Variants in KLHL4 observed in about 807,000 individuals in gnomAD.
KLHL4 encodes the protein kelch like family member 4, also known as kelch-like protein 4.
A neutral mutation model predicts 45.8 loss-of-function variants in KLHL4; 17 were observed. That is an observed-to-expected ratio of 0.37 (90% CI 0.25 to 0.56). The LOEUF (loss-of-function observed/expected upper bound fraction) is 0.56, where lower values mean the gene tolerates loss of function less well. Ranked by LOEUF, KLHL4 falls within the 20% of genes least tolerant of loss-of-function variation. The pLI, the probability that KLHL4 is intolerant of heterozygous loss-of-function variation, is 0.79. For missense variants in KLHL4, 544 were observed against 544.9 expected (o/e 1.00, Z 0.02); for synonymous variants, 224 against 189.9 (o/e 1.18, Z -1.47).
At chrX:87,659,714 T>G (rs1311566020) in intron 9 of KLHL4, among the ~76,000 whole-genome samples, 1 of 112,058 alleles carries the variant, frequency 8.9e-6, no homozygotes, top group Admixed American at 9.5e-5. Flanking sequence ...CTTAATTTGT[T>G]ATTTTAAAAT....
chrX:87,658,189 C>T (rs1274080049), intron 9 of KLHL4, among the ~76,000 whole-genome samples: 1 of 111,821 alleles, frequency 8.9e-6, no homozygotes, highest in East Asian at 2.8e-4. Flanking sequence ...AGATGATACC[C>T]TTCCTAGCCT....
chrX:87,533,692 C>T (rs768087151), intron 1 of KLHL4, among the ~76,000 whole-genome samples: 2 of 110,055 alleles, frequency 1.8e-5, no homozygotes, highest in East Asian at 5.7e-4. Context: ...TACCCTAAAA[C>T]TTAAAGTATA....
At chrX:87,649,753 A>G (rs1923747131) in intron 9 of KLHL4, among the ~76,000 whole-genome samples, 1 of 111,343 alleles carries the variant, frequency 9.0e-6, no homozygotes, top group South Asian at 3.8e-4. Context: ...TCCCATTAGC[A>G]TGTGTTGAAA....
At chrX:87,652,981 G>A (rs1048832937) in intron 9 of KLHL4, among the ~76,000 whole-genome samples, 1 of 112,004 alleles carries the variant, frequency 8.9e-6, no homozygotes, top group Non-Finnish European at 1.9e-5. Context: ...CATGGTGGTG[G>A]CAAGAGAGAA....
chrX:87,668,051 T>C lies in KLHL4; in HGVS notation c.*1517T>C. 1 of 732,880 alleles carries C rather than the reference T, an allele frequency of 1.4e-6. No homozygotes were observed. The highest frequency in any genetic ancestry group is 1.6e-6 in the Non-Finnish European group (1 of 619,640). The allele number at this position is 732,880 out of a possible 1,213,427, so 60.4% of individuals were successfully genotyped here. On this transcript the variant is annotated 3_prime_UTR_variant, in exon 11 of 11. Transcript: ENST00000373119. ...TAAAATTCCACTCCTTTATTTCTTC[T>C]TACACCTGCCATTGTCTCTAATTCT...
At chrX:87,533,924 A>T (rs1931370175) in intron 1 of KLHL4, among the ~76,000 whole-genome samples, 1 of 110,799 alleles carries the variant, frequency 9.0e-6, no homozygotes, top group Non-Finnish European at 1.9e-5. Context: ...AGAATAGAGA[A>T]CATTGAAACC....
chrX:87,665,623 A>G (rs764712540), intron 10 of KLHL4, among the ~76,000 whole-genome samples: 1 of 111,910 alleles, frequency 8.9e-6, no homozygotes, highest in Non-Finnish European at 1.9e-5. Flanking sequence ...ATTCTAAAAT[A>G]TTTAATACTT....
chrX:87,622,720 T>A (rs1253978046), intron 5 of KLHL4, among the ~76,000 whole-genome samples: 4 of 110,980 alleles, frequency 3.6e-5, no homozygotes, highest in Admixed American at 9.6e-5. Context: ...AACTCTTTTT[T>A]TTTTTCCTGC....
intron 1 of KLHL4, among the ~76,000 whole-genome samples, chrX:87,542,248 G>T (rs776077694): frequency 7.1e-5 from 8 of 112,361 alleles, no homozygotes; most frequent in Non-Finnish European, 1.3e-4. Context: ...TGATAGAAAA[G>T]AACCCCTTTT....
intron 1 of KLHL4, among the ~76,000 whole-genome samples, chrX:87,531,106 T>A (rs1185253958): frequency 9.0e-6 from 1 of 111,291 alleles, no homozygotes; most frequent in Non-Finnish European, 1.9e-5. Flanking sequence ...TGCCCACTTT[T>A]TGATGGGGTT....
At chrX:87,600,704 G>A (rs1447720414) in intron 1 of KLHL4, among the ~76,000 whole-genome samples, 1 of 111,158 alleles carries the variant, frequency 9.0e-6, no homozygotes, top group Non-Finnish European at 1.9e-5. Context: ...TCAGCCTCGG[G>A]TATTTCTTTA....
chrX:87,625,073 T>G (rs750013822), intron 5 of KLHL4, among the ~76,000 whole-genome samples: 211 of 112,786 alleles, frequency 1.9e-3, no homozygotes, highest in African/African-American at 6.7e-3. Context: ...GCCATTCTCT[T>G]TAACTGCTTT....
chrX:87,539,113 C>T lies in KLHL4; in HGVS notation c.422+20798C>T, dbSNP rs190009417. ...CAAAGAAATCAGAAATATACAAATT[C>T]GATTCTGTATATTATACATACAGTA... On this transcript the variant is annotated intron_variant, in intron 1 of 10. Coordinates refer to ENST00000373119, the MANE Select transcript of KLHL4 (RefSeq NM_019117.5). Among the ~76,000 whole-genome samples, 44 of 110,522 alleles carry T rather than the reference C, an allele frequency of 4.0e-4. No individual in the cohort carries two copies. In the East Asian group the frequency reaches 9.4e-3, roughly 24 times the overall value.
intron 1 of KLHL4, among the ~76,000 whole-genome samples, chrX:87,582,419 T>C: frequency 9.0e-6 from 1 of 111,578 alleles, no homozygotes. Flanking sequence ...GAATAGAACT[T>C]GGTGCTGTCC....
intron 10 of KLHL4, among the ~76,000 whole-genome samples, chrX:87,665,918 A>G (rs942947719): frequency 3.6e-5 from 4 of 111,716 alleles, no homozygotes; most frequent in African/African-American, 1.3e-4. Context: ...TGTTTTGTCA[A>G]TGCTTAGGAC....
chrX:87,605,542 G>C (rs758699524), intron 1 of KLHL4, among the ~76,000 whole-genome samples: 24 of 110,650 alleles, frequency 2.2e-4, no homozygotes, highest in Admixed American at 4.8e-4. Context: ...ATAGCTTGCT[G>C]TTAGCATGTA....
intron 1 of KLHL4, among the ~76,000 whole-genome samples, chrX:87,544,561 A>G (rs1456450822): frequency 2.7e-5 from 3 of 111,683 alleles, no homozygotes; most frequent in Non-Finnish European, 5.6e-5. Context: ...GGTGGCCACA[A>G]GGGTATTTGT....
chrX:87,610,461 G>T (rs1602442605), intron 1 of KLHL4, among the ~76,000 whole-genome samples: 1 of 111,808 alleles, frequency 8.9e-6, no homozygotes. Flanking sequence ...GTATCAGGAA[G>T]AATATCTGAT....
At position 87,658,845 on chromosome X, in the gene KLHL4, A is replaced by C. The variant is rs780342273; in HGVS notation, c.1926-5919A>C. 2.7e-5 allele frequency among the ~76,000 whole-genome samples: 3 copies of C among 111,173 alleles called. No individual in the cohort carries two copies. The South Asian group carries it at 1.1e-3, about 42-fold the overall frequency. ...CTGTCTTCTAAGGTTTTTCTGAGAAATTTATTAGTCATCTCATTGAGAATT... is the reference window on the plus strand; with the variant it reads ...CTGTCTTCTAAGGTTTTTCTGAGAACTTTATTAGTCATCTCATTGAGAATT... On this transcript the variant is annotated intron_variant, in intron 9 of 10. Transcript: ENST00000373119.
Sources: gnomAD v4.1 joint callset for allele counts (sites outside exome capture counted in the v4.1 genomes callset) on GRCh38, gnomAD v4.1.1 for gene constraint, MANE v1.5 for transcripts, NCBI Gene and HGNC (gene_info 2026-07-23, HGNC 2026-07-21) for gene names.